RANBP3L: variants seen among roughly 807,000 people sequenced by gnomAD.
RANBP3L encodes the protein RAN binding protein 3 like.
A neutral mutation model predicts 67.2 loss-of-function variants in RANBP3L; 56 were observed. The observed-to-expected ratio is 0.83, with a 90% CI of 0.67 to 1.04. The LOEUF is 1.04. Ranked by LOEUF, RANBP3L falls within the 50% of genes least tolerant of loss-of-function variation. The pLI, the probability that RANBP3L is intolerant of heterozygous loss-of-function variation, is 0.00. For missense variants in RANBP3L, 496 were observed against 535.5 expected, an observed-to-expected ratio of 0.93 and a Z score of 0.73; for synonymous variants, 164 against 181.4, an observed-to-expected ratio of 0.90 and a Z score of 0.77.
chr5:36,269,568 G>T, intron 3 of RANBP3L, 101 bp from the exon 4 acceptor site: 1 of 738,580 alleles, frequency 1.4e-6, no homozygotes, highest in South Asian at 1.7e-5. Context: ...TGTCTACACA[G>T]ACCATCATTT....
Position 36,247,105 on chromosome 5 carries a change from T to C in RANBP3L, c.*2549A>G, listed in dbSNP as rs554214958. Reference sequence around the variant, plus strand: ...CAAAATAATTTACCTAAATAACTTATGAAAATGGATGTTATTGTACAACTC... The same window carrying C: ...CAAAATAATTTACCTAAATAACTTACGAAAATGGATGTTATTGTACAACTC... On this transcript the variant is annotated 3_prime_UTR_variant, in exon 14 of 14. Transcript: ENST00000296604. Among the ~76,000 whole-genome samples the C allele has an allele frequency of 6.6e-6, 1 of 152,262 alleles. No homozygotes were observed. Among genetic ancestry groups the C allele is most frequent in the South Asian group, 2.1e-4 (1 of 4,830 alleles).
chr5:36,290,224 C>CTT (rs33974139), intron 1 of RANBP3L, among the ~76,000 whole-genome samples: 52,754 of 143,848 alleles, frequency 0.37, 11,882 homozygotes, highest in Non-Finnish European at 0.5. Context: ...TCTGTCTCAC[C>CTT]TTTTTTTTTT....
At chr5:36,297,313 G>C (rs955880786) in intron 1 of RANBP3L, among the ~76,000 whole-genome samples, 2 of 107,110 alleles carry the variant, frequency 1.9e-5, no homozygotes, top group African/African-American at 2.7e-5. Context: ...AGGCTGAGGA[G>C]GGGGAGGAAG....
At chr5:36,280,569 C>T (rs1750902688) in intron 1 of RANBP3L, among the ~76,000 whole-genome samples, 2 of 152,024 alleles carry the variant, frequency 1.3e-5, no homozygotes, top group Non-Finnish European at 2.9e-5. Context: ...GGCAGATCAC[C>T]CTATCAATCA....
intron 1 of RANBP3L, among the ~76,000 whole-genome samples, chr5:36,296,572 T>C (rs1008530720): frequency 6.6e-6 from 1 of 152,166 alleles, no homozygotes; most frequent in African/African-American, 2.4e-5. Flanking sequence ...TGAAAGCAGC[T>C]CTTAATAACT....
chr5:36,280,122 C>T (rs1370550056), intron 1 of RANBP3L, among the ~76,000 whole-genome samples: 1 of 152,154 alleles, frequency 6.6e-6, no homozygotes, highest in African/African-American at 2.4e-5. Flanking sequence ...AAAGACTCAA[C>T]TCTCTCCTCC....
chr5:36,288,505 A>C (rs1751482532), intron 1 of RANBP3L, among the ~76,000 whole-genome samples: 1 of 152,128 alleles, frequency 6.6e-6, no homozygotes, highest in Admixed American at 6.6e-5. Context: ...CTAAATACGG[A>C]ACTGTTGGAT....
chr5:36,278,740 A>G lies in RANBP3L; in HGVS notation c.92-7429T>C, dbSNP rs181903515. 4.4e-4 allele frequency among the ~76,000 whole-genome samples: 67 copies of G among 152,324 alleles called. 1 individual carries two copies. Among genetic ancestry groups the G allele is most frequent in the Non-Finnish European group, 1.0e-4 (7 of 68,014 alleles). On this transcript the variant is annotated intron_variant, in intron 1 of 13. Coordinates refer to ENST00000296604, the MANE Select transcript of RANBP3L (RefSeq NM_145000.5). The stretch of plus-strand genomic sequence containing the variant: ...GTACTTGCAAAGAAATCTCTGTGGT[A>G]AGGATATTGAAATGTCAATATTGAT...
At chr5:36,290,150 C>T (rs2112093777) in intron 1 of RANBP3L, among the ~76,000 whole-genome samples, 1 of 151,516 alleles carries the variant, frequency 6.6e-6, no homozygotes, top group East Asian at 1.9e-4. Context: ...CACTCCCTTA[C>T]AATCCTTTTA....
At chr5:36,258,400 A>G (rs1444692736) in intron 8 of RANBP3L, among the ~76,000 whole-genome samples, 1 of 152,184 alleles carries the variant, frequency 6.6e-6, no homozygotes, top group Non-Finnish European at 1.5e-5. Flanking sequence ...CAAAATTGGT[A>G]GAGATGGGTA....
chr5:36,286,998 C>T (rs1751371650), intron 1 of RANBP3L, among the ~76,000 whole-genome samples: 2 of 152,132 alleles, frequency 1.3e-5, no homozygotes, highest in African/African-American at 2.4e-5. Flanking sequence ...CATTGAGCCC[C>T]AACCTTTTGG....
At chr5:36,267,261 C>A (rs1308236470) in intron 4 of RANBP3L, among the ~76,000 whole-genome samples, 1 of 152,132 alleles carries the variant, frequency 6.6e-6, no homozygotes, top group African/African-American at 2.4e-5. Context: ...GTAATCCCAG[C>A]ACTTTGGGAG....
intron 1 of RANBP3L, among the ~76,000 whole-genome samples, chr5:36,290,353 A>G (rs1202773132): frequency 1.3e-5 from 2 of 151,840 alleles, no homozygotes; most frequent in African/African-American, 4.8e-5. Flanking sequence ...AATAGCTGGG[A>G]TCACAGGCAC....
chr5:36,298,364 G>A (rs1752381270), intron 1 of RANBP3L, among the ~76,000 whole-genome samples: 1 of 151,900 alleles, frequency 6.6e-6, no homozygotes, highest in Non-Finnish European at 1.5e-5. Flanking sequence ...CTACAGAAGT[G>A]TCGAATGTCA....
chr5:36,259,943 G>T (rs1055809387), intron 8 of RANBP3L, among the ~76,000 whole-genome samples: 3 of 152,088 alleles, frequency 2.0e-5, no homozygotes, highest in African/African-American at 7.2e-5. Flanking sequence ...TAACGTGAGG[G>T]GTTTTCACTA....
intron 1 of RANBP3L, among the ~76,000 whole-genome samples, chr5:36,298,649 C>T (rs1397089583): frequency 1.3e-5 from 2 of 152,206 alleles, no homozygotes; most frequent in African/African-American, 4.8e-5. Flanking sequence ...AAATACTACC[C>T]AGCTCAAATC....
rs772832582 is a variant in RANBP3L at position 36,257,024 on chromosome 5, A to G, written c.820T>C (p.Phe274Leu). Residue 274 changes from phenylalanine (F) to leucine (L), a missense_variant, in exon 10 of 14, where the codon TTC (phenylalanine) becomes CTC (leucine). By Grantham distance (22) the Phe-to-Leu change is conservative. Coordinates refer to ENST00000296604, the MANE Select transcript of RANBP3L (RefSeq NM_145000.5). ...NTSLIESAAA[F>L]SSQPSRKCLL... The stretch of plus-strand genomic sequence containing the variant: ...CATTTTCGTGATGGTTGGGAAGAGA[A>G]TGCAGCAGCTGATTCAATTAGGGAA... 7 of 1,612,982 alleles carry G rather than the reference A, an allele frequency of 4.3e-6. No homozygotes were observed. The highest frequency in any genetic ancestry group is 5.1e-6 in the Non-Finnish European group (6 of 1,179,190).
At chr5:36,288,434 G>A (rs1561137630) in intron 1 of RANBP3L, among the ~76,000 whole-genome samples, 1 of 152,126 alleles carries the variant, frequency 6.6e-6, no homozygotes, top group Non-Finnish European at 1.5e-5. Context: ...AATAAAATCT[G>A]CTACGAGCAT....
At chr5:36,259,704 C>A (rs895835997) in intron 8 of RANBP3L, among the ~76,000 whole-genome samples, 6 of 152,056 alleles carry the variant, frequency 3.9e-5, no homozygotes, top group African/African-American at 1.4e-4. Flanking sequence ...TAACTGGTAT[C>A]CCTGAGACAA....
Sources: allele counts gnomAD v4.1 joint callset (sites outside exome capture counted in the v4.1 genomes callset), GRCh38; gene constraint gnomAD v4.1.1; transcripts MANE v1.5; gene names NCBI Gene and HGNC (gene_info 2026-07-23, HGNC 2026-07-21).